Variants in NBEA observed in about 807,000 individuals in gnomAD.
The protein encoded by NBEA is lysosomal-trafficking regulator 2.
In NBEA, 44 loss-of-function variants were observed where a neutral mutation model predicts 343.4. The observed-to-expected ratio is 0.13, with a 90% CI of 0.10 to 0.16. NBEA has a LOEUF of 0.16. NBEA is among the 10% of genes least tolerant of loss of function. The pLI is 1.00. For synonymous variants in NBEA, 1,175 were observed against 1,238.7 expected (o/e 0.95, Z 1.08); for missense variants, 2,555 against 3,631.3 (o/e 0.70, Z 7.62).
intron 48 of NBEA, among the ~76,000 whole-genome samples, chr13:35,610,541 A>T (rs996431959): frequency 6.6e-6 from 1 of 151,812 alleles, no homozygotes; most frequent in African/African-American, 2.4e-5. Flanking sequence ...CACACCATAT[A>T]AAAAAATTAA....
intron 1 of NBEA, among the ~76,000 whole-genome samples, chr13:34,984,256 C>G (rs2060466858): frequency 6.6e-6 from 1 of 152,160 alleles, no homozygotes; most frequent in Non-Finnish European, 1.5e-5. Context: ...CTACATATGG[C>G]TAGCCAGTTA....
chr13:35,541,725 G>GGTGTGTGTGTGTGTGTGTGTGTGTGT (rs3075505), intron 41 of NBEA, among the ~76,000 whole-genome samples: 5 of 145,142 alleles, frequency 3.4e-5, no homozygotes, highest in South Asian at 2.3e-4. Flanking sequence ...GGTCTGCATG[G>GGTGTGTGTGTGTGTGTGTGTGTGTGT]GTGTGTGTGT....
At chr13:35,524,983 GA>G (rs1472531391) in intron 41 of NBEA, among the ~76,000 whole-genome samples, 1 of 152,016 alleles carries the variant, frequency 6.6e-6, no homozygotes, top group Admixed American at 6.6e-5. Flanking sequence ...TTAATTTAGA[GA>G]ACTAAATTGA....
intron 38 of NBEA, among the ~76,000 whole-genome samples, chr13:35,419,289 C>T (rs1032785724): frequency 6.6e-6 from 1 of 151,966 alleles, no homozygotes; most frequent in African/African-American, 2.4e-5. Flanking sequence ...CGTGAGGGCC[C>T]CACCTCCTGG....
chr13:35,056,791 C>G (rs2063281874), intron 7 of NBEA, among the ~76,000 whole-genome samples: 1 of 152,124 alleles, frequency 6.6e-6, no homozygotes, highest in African/African-American at 2.4e-5. Flanking sequence ...GTTTTCGCAT[C>G]TTACTCAGCT....
At chr13:35,415,225 C>T (rs1229263174) in intron 38 of NBEA, among the ~76,000 whole-genome samples, 3 of 152,160 alleles carry the variant, frequency 2.0e-5, no homozygotes, top group African/African-American at 7.2e-5. Flanking sequence ...TGTGCAGAAG[C>T]TCTTTAGTTT....
chr13:35,516,683 T>C (rs1415306204), intron 41 of NBEA, among the ~76,000 whole-genome samples: 1 of 152,212 alleles, frequency 6.6e-6, no homozygotes, highest in East Asian at 1.9e-4. Flanking sequence ...ATGTGTCTTT[T>C]AAATTATCTT....
At chr13:35,074,005 A>C (rs1201642542) in intron 10 of NBEA, among the ~76,000 whole-genome samples, 2 of 152,072 alleles carry the variant, frequency 1.3e-5, no homozygotes, top group Non-Finnish European at 2.9e-5. Flanking sequence ...AGATGGATTT[A>C]TTTTTGCTGG....
chr13:35,532,891 GT>G (rs917320261), intron 41 of NBEA, among the ~76,000 whole-genome samples: 4 of 148,986 alleles, frequency 2.7e-5, no homozygotes, highest in Non-Finnish European at 3.0e-5. Context: ...AATTTGTTGA[GT>G]TTTTTTTTTC....
intron 1 of NBEA, among the ~76,000 whole-genome samples, chr13:34,999,635 C>T (rs1426847809): frequency 6.6e-6 from 1 of 151,868 alleles, no homozygotes; most frequent in Non-Finnish European, 1.5e-5. Flanking sequence ...AAAGTGGAAG[C>T]CTGTGTGTGA....
chr13:35,404,376 G>A (rs2152909997), intron 38 of NBEA, among the ~76,000 whole-genome samples: 1 of 150,384 alleles, frequency 6.6e-6, no homozygotes, highest in East Asian at 2.0e-4. Context: ...ATGATAGACT[G>A]GATTAAGAAA....
At chr13:35,287,370 T>C (rs2035497412) in intron 34 of NBEA, among the ~76,000 whole-genome samples, 1 of 152,070 alleles carries the variant, frequency 6.6e-6, no homozygotes, top group Non-Finnish European at 1.5e-5. Context: ...ATAGGAATGC[T>C]ATAAACAGTC....
chr13:35,058,292 T>TA lies in NBEA; in HGVS notation c.1093-418dup, dbSNP rs1208799745. Among the ~76,000 whole-genome samples, 5 of 152,214 alleles carry TA rather than the reference T, an allele frequency of 3.3e-5. No individual in the cohort carries two copies. In the East Asian group the frequency reaches 7.7e-4, roughly 24 times the overall value. ...TTGTAATTTGAAAAATAAAGTAGAA[T>TA]AAAAAAATTAGACCCTATGTGTTCA... On this transcript the variant is annotated intron_variant, in intron 7 of 58. Transcript: ENST00000379939.
At chr13:35,323,091 C>G (rs2038282913) in intron 36 of NBEA, among the ~76,000 whole-genome samples, 1 of 152,130 alleles carries the variant, frequency 6.6e-6, no homozygotes, top group Non-Finnish European at 1.5e-5. Flanking sequence ...ATTAAGTGAT[C>G]CACCTGCCTC....
intron 1 of NBEA, among the ~76,000 whole-genome samples, chr13:34,996,233 C>G (rs1252715617): frequency 1.3e-5 from 2 of 151,980 alleles, no homozygotes; most frequent in African/African-American, 4.8e-5. Context: ...GAAAAGCAAT[C>G]CTGAATAATT....
intron 45 of NBEA, among the ~76,000 whole-genome samples, chr13:35,574,757 AT>A (rs112167156): frequency 0.18 from 25,722 of 144,932 alleles, 2,381 homozygotes; most frequent in East Asian, 0.28. Context: ...GTGCCAATAG[AT>A]TTTTTTTTTT....
chr13:35,169,087 T>C (rs893411778), intron 25 of NBEA, 92 bp downstream of exon 25: 9 of 958,242 alleles, frequency 9.4e-6, no homozygotes, highest in Non-Finnish European at 1.4e-5. Context: ...ATATTTTGAG[T>C]TTTCATATCA....
chr13:35,495,025 A>G (rs2076628254), intron 41 of NBEA, among the ~76,000 whole-genome samples: 1 of 151,938 alleles, frequency 6.6e-6, no homozygotes, highest in Non-Finnish European at 1.5e-5. Context: ...AAAGAAAAGA[A>G]AAGAAAAAAA....
chr13:35,181,596 C>T (rs147966570), intron 28 of NBEA, among the ~76,000 whole-genome samples: 24 of 151,688 alleles, frequency 1.6e-4, no homozygotes, highest in African/African-American at 5.6e-4. Context: ...AGAATTTCTC[C>T]CACTCTGTGA....
Sources: allele counts gnomAD v4.1 joint callset (sites outside exome capture counted in the v4.1 genomes callset), GRCh38; gene constraint gnomAD v4.1.1; transcripts MANE v1.5; gene names NCBI Gene and HGNC (gene_info 2026-07-23, HGNC 2026-07-21).